ARFGAP3: variants seen among roughly 807,000 people sequenced by gnomAD.
ARFGAP3 encodes ARF GTPase activating protein 3, also known as ADP-ribosylation factor GTPase-activating protein 3.
Under a neutral mutation model 75.0 loss-of-function variants are expected in ARFGAP3, and 72 were observed. The ratio of observed to expected loss-of-function variants is 0.96; its 90% confidence interval spans 0.79 to 1.17. ARFGAP3 has a LOEUF of 1.17. ARFGAP3 is among the 50% of genes most tolerant of loss of function. ARFGAP3 has a pLI of 0.00. For missense variants in ARFGAP3, 620 were observed against 626.6 expected, an observed-to-expected ratio of 0.99 and a Z score of 0.11; for synonymous variants, 221 against 217.9, an observed-to-expected ratio of 1.01 and a Z score of -0.13.
intron 1 of ARFGAP3, among the ~76,000 whole-genome samples, chr22:42,856,184 G>C (rs778381180): frequency 1.5e-4 from 23 of 152,292 alleles, no homozygotes; most frequent in Non-Finnish European, 3.1e-4. Context: ...CACCTAGGCT[G>C]GAAAAAATAT....
chr22:42,831,686 A>G, intron 5 of ARFGAP3, 50 bp from the exon 6 acceptor site: 1 of 1,611,872 alleles, frequency 6.2e-7, no homozygotes, highest in Non-Finnish European at 8.5e-7. Flanking sequence ...GAAAACAGCC[A>G]TAAAAAACAC....
rs1484039930 is a variant in ARFGAP3 at position 42,831,728 on chromosome 22, A to G, written c.478-92T>C. 3 of 1,579,402 alleles carry G rather than the reference A, an allele frequency of 1.9e-6. No individual in the cohort carries two copies. The African/African-American group carries it at 4.1e-5, about 22-fold the overall frequency. On this transcript the variant is annotated intron_variant, in intron 5 of 15. Coordinates refer to ENST00000263245, the MANE Select transcript of ARFGAP3 (RefSeq NM_014570.5). ...GCACGGGAAAAACCTAACAATTTAA[A>G]CAGCCACATTCTGAGTCCCTGTTAA...
intron 2 of ARFGAP3, among the ~76,000 whole-genome samples, chr22:42,846,650 A>G (rs1294862667): frequency 6.6e-6 from 1 of 152,242 alleles, no homozygotes; most frequent in African/African-American, 2.4e-5. Context: ...GCTTTGTGAT[A>G]TTAGTGTCCT....
intron 14 of ARFGAP3, among the ~76,000 whole-genome samples, chr22:42,799,958 TAGTTTTGTTAAGTGTTAGTTGCTTA>T (rs898540081): frequency 6.6e-6 from 1 of 152,206 alleles, no homozygotes; most frequent in Non-Finnish European, 1.5e-5. Flanking sequence ...TGTTAGTTGT[TAGTTTTGTTAAGTGTTAGTTGCTTA>T]AGTTTTGGTT....
At chr22:42,833,526 C>T (rs1231746952) in intron 5 of ARFGAP3, among the ~76,000 whole-genome samples, 1 of 152,106 alleles carries the variant, frequency 6.6e-6, no homozygotes, top group Middle Eastern at 3.2e-3. Flanking sequence ...GTGGCCAAGG[C>T]GGGGGTATCA....
At chr22:42,822,229 T>C (rs1160466523) in intron 9 of ARFGAP3, 41 bp downstream of exon 9, 3 of 1,548,872 alleles carry the variant, frequency 1.9e-6, no homozygotes, top group East Asian at 2.3e-5. Context: ...TTAATAGTTT[T>C]ATTCCCTGAA....
intron 15 of ARFGAP3, 44 bp from the exon 16 acceptor site, chr22:42,797,649 G>C: frequency 6.2e-7 from 1 of 1,613,830 alleles, no homozygotes; most frequent in South Asian, 1.1e-5. Context: ...ATTCAGCAGC[G>C]ATCCCTGACT....
At chr22:42,833,159 T>A (rs1926371251) in intron 5 of ARFGAP3, among the ~76,000 whole-genome samples, 1 of 152,226 alleles carries the variant, frequency 6.6e-6, no homozygotes, top group South Asian at 2.1e-4. Context: ...TAGTGATATT[T>A]AGAGCACTTA....
At chr22:42,825,995 G>C (rs896079326) in intron 7 of ARFGAP3, among the ~76,000 whole-genome samples, 14 of 152,254 alleles carry the variant, frequency 9.2e-5, no homozygotes, top group African/African-American at 3.4e-4. Flanking sequence ...TGAAAAAGAT[G>C]CTTGTGGGAG....
At chr22:42,854,796 T>C (rs1162127886) in intron 1 of ARFGAP3, among the ~76,000 whole-genome samples, 2 of 152,242 alleles carry the variant, frequency 1.3e-5, no homozygotes, top group Non-Finnish European at 1.5e-5. Context: ...AGCTGTCTTT[T>C]ATGACCCCAA....
chr22:42,817,870 C>T lies in ARFGAP3; in HGVS notation c.813-13G>A. Reference sequence around the variant, plus strand: ...TAATGATGAAACACTGCCAGAAAAACCAAATACTCCTTAATTTAGCTTTAA... The same window carrying T: ...TAATGATGAAACACTGCCAGAAAAATCAAATACTCCTTAATTTAGCTTTAA... On this transcript the variant is annotated splice_polypyrimidine_tract_variant and intron_variant, in intron 9 of 15. Coordinates refer to ENST00000263245, the MANE Select transcript of ARFGAP3 (RefSeq NM_014570.5). The T allele has an allele frequency of 1.3e-6, 2 of 1,574,920 alleles. No individual in the cohort carries two copies. Among genetic ancestry groups the T allele is most frequent in the Non-Finnish European group, 8.6e-7 (1 of 1,158,714 alleles).
At chr22:42,836,685 C>T (rs1305156648) in intron 3 of ARFGAP3, among the ~76,000 whole-genome samples, 1 of 152,142 alleles carries the variant, frequency 6.6e-6, no homozygotes, top group Non-Finnish European at 1.5e-5. Flanking sequence ...AAAACCTATA[C>T]GAGTGATCCT....
At chr22:42,845,923 A>G (rs1232311021) in intron 2 of ARFGAP3, among the ~76,000 whole-genome samples, 3 of 151,574 alleles carry the variant, frequency 2.0e-5, no homozygotes, top group African/African-American at 7.3e-5. Flanking sequence ...TTGTAATCCC[A>G]GCTACTTGGG....
chr22:42,810,417 T>C (rs570764396), intron 12 of ARFGAP3, among the ~76,000 whole-genome samples: 87 of 152,192 alleles, frequency 5.7e-4, no homozygotes, highest in African/African-American at 2.0e-3. Context: ...TAAGCTGAGA[T>C]TGCACCACTG....
chr22:42,852,347 G>A (rs999425051), intron 1 of ARFGAP3, among the ~76,000 whole-genome samples: 2 of 149,122 alleles, frequency 1.3e-5, no homozygotes, highest in Middle Eastern at 3.6e-3. Flanking sequence ...GCGCCACCGC[G>A]CCTAGCCTCA....
At chr22:42,833,101 G>A (rs1000661810) in intron 5 of ARFGAP3, among the ~76,000 whole-genome samples, 2 of 152,132 alleles carry the variant, frequency 1.3e-5, no homozygotes, top group East Asian at 1.9e-4. Flanking sequence ...GGCCACAGAA[G>A]TACTATGGAT....
At chr22:42,812,456 A>G (rs537045107) in intron 11 of ARFGAP3, among the ~76,000 whole-genome samples, 10 of 152,240 alleles carry the variant, frequency 6.6e-5, no homozygotes, top group African/African-American at 2.4e-4. Context: ...CAGGAAGCAC[A>G]CTGGAAATAA....
intron 1 of ARFGAP3, among the ~76,000 whole-genome samples, chr22:42,856,872 G>T (rs1927526838): frequency 6.6e-6 from 1 of 150,618 alleles, no homozygotes; most frequent in Non-Finnish European, 1.5e-5. Flanking sequence ...TGCCCGCGCC[G>T]CCGCCCCCGG....
chr22:42,831,170 C>T (rs1926266614), intron 6 of ARFGAP3, among the ~76,000 whole-genome samples: 1 of 151,646 alleles, frequency 6.6e-6, no homozygotes, highest in Admixed American at 6.6e-5. Flanking sequence ...GTCTGTAATC[C>T]CAGCTTCTAG....
Sources: gnomAD v4.1 joint callset for allele counts (sites outside exome capture counted in the v4.1 genomes callset) on GRCh38, gnomAD v4.1.1 for gene constraint, MANE v1.5 for transcripts, NCBI Gene and HGNC (gene_info 2026-07-23, HGNC 2026-07-21) for gene names.